The following NCKAP1L variants were observed in gnomAD, a reference collection of about 807,000 sequenced individuals.
NCKAP1L encodes NCK associated protein 1 like.
In NCKAP1L, 53 loss-of-function variants were observed where a neutral mutation model predicts 139.2. The ratio of observed to expected loss-of-function variants is 0.38; its 90% CI spans 0.31 to 0.48. NCKAP1L has a LOEUF of 0.48. Ranked by LOEUF, NCKAP1L falls within the 20% of genes least tolerant of loss-of-function variation. NCKAP1L has a pLI of 0.98. For synonymous variants in NCKAP1L, 468 were observed against 499.7 expected (o/e 0.94, Z 0.85); for missense variants, 1,151 against 1,381.9 (o/e 0.83, Z 2.65).
At chr12:54,516,450 C>CTTTTTT (rs112859632) in intron 10 of NCKAP1L, among the ~76,000 whole-genome samples, 155 bp downstream of exon 10, 1 of 145,266 alleles carries the variant, frequency 6.9e-6, no homozygotes, top group Non-Finnish European at 1.5e-5. Context: ...CTTTTCTTTT[C>CTTTTTT]TTTTTTTTTT....
rs1957078678 is a variant in NCKAP1L, at chr12:54,532,260, A to C, written c.2862+10A>C. 3 of 1,600,900 alleles carry C rather than the reference A, an allele frequency of 1.9e-6. No homozygotes were observed. The East Asian group carries it at 6.7e-5, about 36-fold the overall frequency. On this transcript the variant is annotated intron_variant, in intron 26 of 30. Coordinates refer to ENST00000293373, the MANE Select transcript of NCKAP1L (RefSeq NM_005337.5). ...AGACACAGACATCAAGGTATGGAGG[A>C]GTGCAAAGTAGAATCTAATTAGGAG...
chr12:54,508,505 T>C lies in NCKAP1L; in HGVS notation c.480T>C (p.Cys160=). The change falls in exon 5 of 31, where the codon TGT becomes TGC. Residue 160 remains cysteine, a synonymous_variant. Transcript: ENST00000293373. ...GGATACTCATTGGCATGTACAATTG[T>C]GCCCATGAGATGCTGCATGGGCATG... is the stretch of plus-strand genomic sequence containing the variant. ...DRRILIGMYN[C]AHEMLHGHGD... 1 of 1,614,210 alleles carries C rather than the reference T, an allele frequency of 6.2e-7. No homozygotes were observed. Among genetic ancestry groups the C allele is most frequent in the Non-Finnish European group, 8.5e-7 (1 of 1,180,014 alleles).
At position 54,518,749 on chromosome 12, in the gene NCKAP1L, G is replaced by C. The variant is rs1408137453; in HGVS notation, c.1420+17G>C. Reference sequence around the variant, plus strand: ...TCAAACAAGGTAACTGGAGGGAGGTGGGGGAGGCAGGACATATGTGAGGAT... The same window carrying C: ...TCAAACAAGGTAACTGGAGGGAGGTCGGGGAGGCAGGACATATGTGAGGAT... On this transcript the variant is annotated intron_variant, in intron 14 of 30. Coordinates refer to ENST00000293373, the MANE Select transcript of NCKAP1L (RefSeq NM_005337.5). 2 of 1,595,854 alleles carry C rather than the reference G, an allele frequency of 1.3e-6. No individual in the cohort carries two copies. The highest frequency in any genetic ancestry group is 1.7e-5 in the Admixed American group (1 of 60,002).
Position 54,531,584 on chromosome 12 carries a change from G to A in NCKAP1L, c.2698G>A (p.Gly900Arg), listed in dbSNP as rs1281800249. ...LMASLLPQLT[G>R]AENVLKRMTI... ...GGCTTCCCTGCTGCCCCAGCTGACA[G>A]GTAAGCATCCTCTTCCCCTATAGTG... The change falls in exon 24 of 31, where the codon GGG (glycine) becomes AGG (arginine). Residue 900 changes from glycine to arginine, a missense_variant and splice_region_variant. By Grantham distance (125) the Gly-to-Arg change is moderately radical. Transcript: ENST00000293373. 1 of 1,613,972 alleles carries A rather than the reference G, an allele frequency of 6.2e-7. No individual in the cohort carries two copies. The highest frequency in any genetic ancestry group is 1.7e-5 in the Admixed American group (1 of 60,002).
intron 1 of NCKAP1L, chr12:54,498,651 C>A: frequency 3.4e-6 from 1 of 291,916 alleles, no homozygotes; most frequent in Non-Finnish European, 5.1e-6. Flanking sequence ...CCTGTAAATG[C>A]CCTTTGGGAT....
chr12:54,506,796 A>AAAAAATATATATATATAT lies in NCKAP1L; in HGVS notation c.307-1056_307-1055insAAAATATATATATATATA. Among the ~76,000 whole-genome samples, 198 of 50,584 alleles carry AAAAAATATATATATATAT rather than the reference A, an allele frequency of 3.9e-3. 2 individuals carry two copies. Among genetic ancestry groups the AAAAAATATATATATATAT allele is most frequent in the Middle Eastern group, 0.011 (1 of 88 alleles). 33.2% of individuals were successfully genotyped at this position (50,584 alleles called of 152,430 possible). A position where few individuals can be genotyped will look rare whatever the true frequency, so the allele number is the denominator to read the frequency against. On this transcript the variant is annotated intron_variant, in intron 3 of 30. Transcript: ENST00000293373. Reference sequence around the variant, plus strand: ...TTTTGGCAACATATTAAAAAAAAAAAATATATATATATATATATATATATA... The same window carrying AAAAAATATATATATATAT: ...TTTTGGCAACATATTAAAAAAAAAAAAAAAATATATATATATATATATATATATATATATATATATATA...
chr12:54,542,877 G>A lies in NCKAP1L; in HGVS notation c.*192G>A. On this transcript the variant is annotated 3_prime_UTR_variant, in exon 31 of 31. Coordinates refer to ENST00000293373, the MANE Select transcript of NCKAP1L (RefSeq NM_005337.5). Reference sequence around the variant, plus strand: ...GAGAAATCGTAGAGCAGTGAGGCAGGCTGGGAGCATGGAGGACAGCTTATG... The same window carrying A: ...GAGAAATCGTAGAGCAGTGAGGCAGACTGGGAGCATGGAGGACAGCTTATG... 1 of 519,574 alleles carries A rather than the reference G, an allele frequency of 1.9e-6. No individual in the cohort carries two copies. The highest frequency in any genetic ancestry group is 5.0e-4 in the Middle Eastern group (1 of 2,014). The allele number at this position is 519,574 out of a possible 1,614,324, so 32.2% of individuals were successfully genotyped here. A position where few individuals can be genotyped will look rare whatever the true frequency, so the allele number is the denominator to read the frequency against.
intron 13 of NCKAP1L, 139 bp downstream of exon 13, chr12:54,518,077 A>C: frequency 8.2e-6 from 8 of 969,790 alleles, no homozygotes; most frequent in Non-Finnish European, 1.2e-5. Context: ...GCGGTGGCTC[A>C]CGTCTGTAAT....
intron 11 of NCKAP1L, 134 bp downstream of exon 11, chr12:54,517,126 C>A: frequency 1.4e-6 from 1 of 723,202 alleles, no homozygotes; most frequent in Non-Finnish European, 2.4e-6. Context: ...TTCCCTTGAA[C>A]ATTCTTGGAG....
At chr12:54,518,852 T>C (rs1378002867) in intron 14 of NCKAP1L, 62 bp from the exon 15 acceptor site, 8 of 1,512,376 alleles carry the variant, frequency 5.3e-6, no homozygotes, top group African/African-American at 4.1e-5. Flanking sequence ...TCTACCATTC[T>C]ATGTAGTTGG....
At chr12:54,524,046 G>A in intron 20 of NCKAP1L, 90 bp downstream of exon 20, 1 of 1,393,968 alleles carries the variant, frequency 7.2e-7, no homozygotes, top group Admixed American at 2.0e-5. Flanking sequence ...CTCAAAGTTG[G>A]GTCCCATTAC....
In NCKAP1L at chr12:54,499,362, C is replaced by T. The variant is rs778514695; in HGVS notation, c.110C>T (p.Ser37Leu). The T allele has an allele frequency of 6.3e-6, 10 of 1,587,954 alleles. No homozygotes were observed. The highest frequency in any genetic ancestry group is 1.7e-5 in the Admixed American group (1 of 59,964). Residue 37 changes from serine (S) to leucine (L), a missense_variant, in exon 2 of 31, where the codon TCA (serine) becomes TTA (leucine). Physicochemically the swap from Ser to Leu is moderately radical, Grantham distance 145 (BLOSUM62 -2). Coordinates refer to ENST00000293373, the MANE Select transcript of NCKAP1L (RefSeq NM_005337.5). ...TATGGTTTCTCTCTGCAGACTTGTT[C>T]AGACCCCAAATCTAAGCCACCTTTC... ...IRMYNIKKTC[S>L]DPKSKPPFLL...
chr12:54,512,557 A>G (rs146733429), intron 9 of NCKAP1L: 3 of 154,916 alleles, frequency 1.9e-5, no homozygotes, highest in Non-Finnish European at 4.3e-5. Context: ...TGTGCTTGTT[A>G]AAGAAAAAAA....
At chr12:54,523,169 C>G (rs1956999222) in intron 18 of NCKAP1L, among the ~76,000 whole-genome samples, 1 of 152,110 alleles carries the variant, frequency 6.6e-6, no homozygotes, top group Non-Finnish European at 1.5e-5. Flanking sequence ...ACACTGCCAT[C>G]TTGAGACTTA....
Position 54,504,382 on chromosome 12 carries a change from C to T in NCKAP1L, c.307-3471C>T, listed in dbSNP as rs560987564. Among the ~76,000 whole-genome samples, 16 of 152,086 alleles carry T rather than the reference C, an allele frequency of 1.1e-4. No individual in the cohort carries two copies. In the South Asian group the frequency reaches 2.5e-3, roughly 24 times the overall value. ...GACAAGAAGGACTGTAATGTATGAA[C>T]GAGGGTCAGGTCAGAGAGTATTCAT... On this transcript the variant is annotated intron_variant, in intron 3 of 30. Coordinates refer to ENST00000293373, the MANE Select transcript of NCKAP1L (RefSeq NM_005337.5).
At chr12:54,540,470 G>C (rs1957148463) in intron 30 of NCKAP1L, among the ~76,000 whole-genome samples, 1 of 152,142 alleles carries the variant, frequency 6.6e-6, no homozygotes, top group African/African-American at 2.4e-5. Context: ...GGGCTATGTG[G>C]GGGCACAATA....
chr12:54,514,060 A>G (rs972117949), intron 9 of NCKAP1L, among the ~76,000 whole-genome samples: 9 of 152,036 alleles, frequency 5.9e-5, no homozygotes, highest in African/African-American at 1.9e-4. Context: ...TTAAAAAGCA[A>G]TGGAGCCACA....
chr12:54,506,797 AT>A (rs770358274), intron 3 of NCKAP1L, among the ~76,000 whole-genome samples: 134 of 11,254 alleles, frequency 0.012, no homozygotes, highest in Middle Eastern at 0.031. Flanking sequence ...AAAAAAAAAA[AT>A]ATATATATAT....
chr12:54,504,481 T>TA (rs1385908170), intron 3 of NCKAP1L, among the ~76,000 whole-genome samples: 2 of 152,064 alleles, frequency 1.3e-5, no homozygotes, highest in Admixed American at 1.3e-4. Flanking sequence ...TGGAAGCACA[T>TA]AAAAAAAGTC....
Sources: gnomAD v4.1 joint callset for allele counts (sites outside exome capture counted in the v4.1 genomes callset) on GRCh38, gnomAD v4.1.1 for gene constraint, MANE v1.5 for transcripts, NCBI Gene and HGNC (gene_info 2026-07-23, HGNC 2026-07-21) for gene names.